ETNK2: variants seen among roughly 807,000 people sequenced by gnomAD.
ETNK2 encodes the protein ethanolamine kinase 2.
A neutral mutation model predicts 46.2 loss-of-function variants in ETNK2; 33 were observed. That is an observed-to-expected ratio of 0.71 (90% CI 0.54 to 0.96). The LOEUF (loss-of-function observed/expected upper bound fraction) is 0.96. Ranked by LOEUF, ETNK2 falls within the 40% of genes least tolerant of loss-of-function variation. The pLI is 0.00. For synonymous variants in ETNK2, 194 were observed against 209.0 expected, an observed-to-expected ratio of 0.93 and a Z score of 0.62; for missense variants, 445 against 509.7, an observed-to-expected ratio of 0.87 and a Z score of 1.22.
At chr1:204,132,301 G>T in intron 7 of ETNK2, 45 bp from the exon 8 acceptor site, 1 of 1,492,866 alleles carries the variant, frequency 6.7e-7, no homozygotes, top group Non-Finnish European at 9.2e-7. Context: ...AAGAAAGCCA[G>T]GTGGGCCCTG....
chr1:204,149,607 A>C (rs1657924591), intron 2 of ETNK2, 96 bp downstream of exon 2: 7 of 1,421,624 alleles, frequency 4.9e-6, no homozygotes, highest in Non-Finnish European at 5.6e-6. Context: ...GAACTCACAG[A>C]TCTTACAACT....
At chr1:204,135,368 G>C (rs1446176675) in intron 6 of ETNK2, among the ~76,000 whole-genome samples, 3 of 152,080 alleles carry the variant, frequency 2.0e-5, no homozygotes, top group African/African-American at 7.2e-5. Context: ...ACCAACCCCG[G>C]TGACAGGCAG....
intron 3 of ETNK2, among the ~76,000 whole-genome samples, chr1:204,144,362 A>AAAAAAAAAAAAAAAAAAAAAAAAAC (rs1657694853): frequency 6.7e-6 from 1 of 149,654 alleles, no homozygotes; most frequent in Non-Finnish European, 1.5e-5. Context: ...AAAAAAAAAA[A>AAAAAAAAAAAAAAAAAAAAAAAAAC]AAAAAAAGCC....
intron 6 of ETNK2, among the ~76,000 whole-genome samples, chr1:204,135,583 G>A (rs941311591): frequency 1.3e-5 from 2 of 152,014 alleles, no homozygotes; most frequent in African/African-American, 4.8e-5. Context: ...CTCACTCAGG[G>A]GTTGGCTACA....
intron 5 of ETNK2, among the ~76,000 whole-genome samples, chr1:204,137,884 C>T (rs973108710): frequency 6.6e-6 from 1 of 152,166 alleles, no homozygotes; most frequent in African/African-American, 2.4e-5. Flanking sequence ...CCAGCCCCAC[C>T]ATAGCCCTCC....
chr1:204,143,842 G>A (rs1657661446), intron 3 of ETNK2, among the ~76,000 whole-genome samples: 2 of 152,044 alleles, frequency 1.3e-5, no homozygotes, highest in Admixed American at 6.5e-5. Context: ...GCCCAACCCA[G>A]TTATCCGCCC....
chr1:204,138,590 G>T (rs1657377841), intron 5 of ETNK2: 1 of 152,208 alleles, frequency 6.6e-6, no homozygotes, highest in Non-Finnish European at 1.5e-5. Flanking sequence ...GTACTCTCAG[G>T]TACAATCATT....
intron 4 of ETNK2, 143 bp downstream of exon 4, chr1:204,141,172 C>G (rs1657511407): frequency 9.9e-7 from 1 of 1,014,292 alleles, no homozygotes; most frequent in Non-Finnish European, 1.5e-6. Flanking sequence ...TCCTTTCCCC[C>G]TTCCCTCCTA....
At chr1:204,142,922 A>C (rs190889732) in intron 3 of ETNK2, 1 of 152,176 alleles carries the variant, frequency 6.6e-6, no homozygotes, top group African/African-American at 2.4e-5. Flanking sequence ...CCTCCCTCCA[A>C]GCCTCCAGAT....
intron 3 of ETNK2, among the ~76,000 whole-genome samples, chr1:204,144,718 G>A (rs947962748): frequency 6.6e-5 from 10 of 150,844 alleles, no homozygotes; most frequent in African/African-American, 1.2e-4. Context: ...GTCCACCCCC[G>A]CCCCCAAACC....
rs141761706 is a variant in ETNK2, at chr1:204,144,345, C to CAAAAAAAAAAA, written c.641+2286_641+2296dup. 6.0e-4 allele frequency among the ~76,000 whole-genome samples: 20 copies of CAAAAAAAAAAA among 33,344 alleles called. 4 individuals carry two copies. The highest frequency in any genetic ancestry group is 2.3e-3 in the South Asian group (1 of 430). 21.9% of individuals were successfully genotyped at this position (33,344 alleles called of 152,430 possible). On this transcript the variant is annotated intron_variant, in intron 3 of 7. Transcript: ENST00000367202. ...TGGGCAACAGAGTGAGAATCCATCT[C>CAAAAAAAAAAA]AAAAAAAAAAAAAAAAAAAAAAAAG...
chr1:204,134,260 G>A lies in ETNK2; in HGVS notation c.1088+255C>T, dbSNP rs1192098619. Reference sequence around the variant, plus strand: ...GGAAGCAGGGTGGGGAGTGGAGTAGGCGGTAGGATTTCGTGGGGACTAGCA... The same window carrying A: ...GGAAGCAGGGTGGGGAGTGGAGTAGACGGTAGGATTTCGTGGGGACTAGCA... On this transcript the variant is annotated intron_variant, in intron 7 of 7. Transcript: ENST00000367202. Among the ~76,000 whole-genome samples, 4 of 152,250 alleles carry A rather than the reference G, an allele frequency of 2.6e-5. No homozygotes were observed. The East Asian group carries it at 7.7e-4, about 29-fold the overall frequency.
Position 204,137,118 on chromosome 1 carries a change from T to C in ETNK2, c.1000A>G (p.Asn334Asp), listed in dbSNP as rs767957800. 1 of 1,613,690 alleles carries C rather than the reference T, an allele frequency of 6.2e-7. No individual in the cohort carries two copies. Among genetic ancestry groups the C allele is most frequent in the African/African-American group, 1.3e-5 (1 of 74,924 alleles). ...AAGGCACTCACCAGGGCAAACTTGT[T>C]GACTTGCACGTAGAGCCTTTGCACC... ...REVQRLYVQVNKFALASHFFW... is the reference protein window; with the variant it reads ...REVQRLYVQVDKFALASHFFW... The change falls in exon 6 of 8, where the codon AAC becomes GAC. Residue 334 changes from asparagine to aspartate, a missense_variant. Transcript: ENST00000367202.
intron 6 of ETNK2, 116 bp downstream of exon 6, chr1:204,136,988 T>A: frequency 7.2e-7 from 1 of 1,389,088 alleles, no homozygotes. Context: ...GAGCCAGGGA[T>A]GGGTGTCCCC....
chr1:204,146,877 G>A, intron 2 of ETNK2, 113 bp from the exon 3 acceptor site: 3 of 1,334,794 alleles, frequency 2.2e-6, no homozygotes, highest in Non-Finnish European at 2.1e-6. Context: ...CTTGCCAGAG[G>A]GCCAAGGATG....
Position 204,151,047 on chromosome 1 carries a change from T to TG in ETNK2, c.258+547dup. 5.7e-6 allele frequency: 1 copy of TG among 175,340 alleles called. No individual in the cohort carries two copies. Among genetic ancestry groups the TG allele is most frequent in the Non-Finnish European group, 1.2e-5 (1 of 84,100 alleles). 10.9% of individuals were successfully genotyped at this position (175,340 alleles called of 1,614,324 possible). A position where few individuals can be genotyped will look rare whatever the true frequency, so the allele number is the denominator to read the frequency against. ...CTGGGGCTGGGGAAGATGGCCTGTGTGGGGGTGCTGAGCCCGAGCCTGCAG... is the reference window on the plus strand; with the variant it reads ...CTGGGGCTGGGGAAGATGGCCTGTGTGGGGGGTGCTGAGCCCGAGCCTGCAG... On this transcript the variant is annotated intron_variant, in intron 1 of 7. Coordinates refer to ENST00000367202, the MANE Select transcript of ETNK2 (RefSeq NM_018208.4). This position sits in a 1 kb window ranked among gnomAD's most constrained non-coding sequence, Gnocchi z 8.0.
Position 204,137,217 on chromosome 1 carries a change from C to G in ETNK2, c.901G>C (p.Ala301Pro), listed in dbSNP as rs745838701. 2.5e-6 allele frequency: 4 copies of G among 1,613,798 alleles called. No homozygotes were observed. The highest frequency in any genetic ancestry group is 2.2e-5 in the East Asian group (1 of 44,886). Reference sequence around the variant, plus strand: ...AGCCACTGCAGCTGGGTCTCCCGCGCCGGGTACAGGCAGTAATCCACCTCA... The same window carrying G: ...AGCCACTGCAGCTGGGTCTCCCGCGGCGGGTACAGGCAGTAATCCACCTCA... ...VNEVDYCLYPARETQLQWLHY... is the reference protein window; with the variant it reads ...VNEVDYCLYPPRETQLQWLHY... Residue 301 changes from alanine to proline, a missense_variant, in exon 6 of 8, where the codon GCG (alanine) becomes CCG (proline). Coordinates refer to ENST00000367202, the MANE Select transcript of ETNK2 (RefSeq NM_018208.4).
Position 204,151,340 on chromosome 1 carries a change from G to A in ETNK2, c.258+255C>T. 1.8e-6 allele frequency: 1 copy of A among 567,666 alleles called. No homozygotes were observed. The highest frequency in any genetic ancestry group is 3.0e-6 in the Non-Finnish European group (1 of 329,222). The allele number at this position is 567,666 out of a possible 1,614,324, so 35.2% of individuals were successfully genotyped here. ...GTGCGGCCCGCACACGCAGCATGCC[G>A]ACAGTGGGCAGGTGGCCACCAGGCG... On this transcript the variant is annotated intron_variant, in intron 1 of 7. Transcript: ENST00000367202. This position sits in a 1 kb window ranked among gnomAD's most constrained non-coding sequence, Gnocchi z 8.0.
intron 2 of ETNK2, chr1:204,147,394 T>C: frequency 3.8e-6 from 2 of 530,902 alleles, no homozygotes; most frequent in Non-Finnish European, 7.7e-6. Flanking sequence ...TTATCCAAGG[T>C]CTCAGGAGAG....
Sources: gnomAD v4.1 joint callset for allele counts (sites outside exome capture counted in the v4.1 genomes callset) on GRCh38, gnomAD v4.1.1 for gene constraint, Gnocchi (gnomAD v3.1) non-coding constraint, MANE v1.5 for transcripts, NCBI Gene and HGNC (gene_info 2026-07-23, HGNC 2026-07-21) for gene names.